The following SSBP3 variants were observed in gnomAD, a reference collection of about 807,000 sequenced individuals.
SSBP3 encodes the protein single stranded DNA binding protein 3.
SSBP3 carries 5 observed loss-of-function variants against 69.6 expected under a neutral mutation model. The observed-to-expected ratio is 0.07, with a 90% CI of 0.04 to 0.15. The LOEUF is 0.15. Among genes scored for constraint, SSBP3 ranks in the 10% least tolerant of loss-of-function variants. SSBP3 has a pLI of 1.00. For synonymous variants in SSBP3, 196 were observed against 193.4 expected (o/e 1.01, Z -0.11); for missense variants, 312 against 534.0 (o/e 0.58, Z 4.10).
intron 14 of SSBP3, chr1:54,238,695 C>T (rs1347390175): frequency 9.7e-6 from 3 of 309,488 alleles, no homozygotes; most frequent in Non-Finnish European, 2.0e-5. Flanking sequence ...CACAGGCAGG[C>T]GGGTCCCCCA....
intron 5 of SSBP3, among the ~76,000 whole-genome samples, chr1:54,272,878 G>A (rs1011554249): frequency 7.2e-5 from 11 of 152,264 alleles, no homozygotes; most frequent in Admixed American, 2.0e-4. Flanking sequence ...ACAGAAGCCA[G>A]AGATTCGGGA....
At chr1:54,342,895 G>C (rs1191783363) in intron 4 of SSBP3, among the ~76,000 whole-genome samples, 1 of 152,122 alleles carries the variant, frequency 6.6e-6, no homozygotes, top group Non-Finnish European at 1.5e-5. Flanking sequence ...GAGCTGACAC[G>C]CTTTGAGCTT....
At chr1:54,292,836 A>C (rs1433168069) in intron 4 of SSBP3, among the ~76,000 whole-genome samples, 1 of 152,072 alleles carries the variant, frequency 6.6e-6, no homozygotes, top group Non-Finnish European at 1.5e-5. Context: ...CTAGGAACCA[A>C]AAACAGCCAT....
At chr1:54,328,664 A>C (rs1181501680) in intron 4 of SSBP3, among the ~76,000 whole-genome samples, 1 of 152,204 alleles carries the variant, frequency 6.6e-6, no homozygotes, top group African/African-American at 2.4e-5. Flanking sequence ...TCCTTCTGGG[A>C]GAAGCAGCTA....
At chr1:54,253,127 C>T (rs1644859186) in intron 7 of SSBP3, among the ~76,000 whole-genome samples, 1 of 149,134 alleles carries the variant, frequency 6.7e-6, no homozygotes, top group Non-Finnish European at 1.5e-5. Flanking sequence ...TGTGTGAGGG[C>T]ATAGGGAGTA....
chr1:54,383,177 C>T (rs971910234), intron 4 of SSBP3, among the ~76,000 whole-genome samples: 9 of 151,546 alleles, frequency 5.9e-5, no homozygotes, highest in Admixed American at 1.3e-4. Flanking sequence ...AGTTTGAGAC[C>T]GGCCTGGGCA....
chr1:54,392,492 T>C (rs1010587715), intron 4 of SSBP3, among the ~76,000 whole-genome samples: 1 of 152,246 alleles, frequency 6.6e-6, no homozygotes, highest in Non-Finnish European at 1.5e-5. Context: ...AAACAATATT[T>C]GTGTTTACTC....
In SSBP3 at chr1:54,313,435, CTTTTTTTTTTT is replaced by C. The variant is rs752753963; in HGVS notation, c.277-31919_277-31909del. Among the ~76,000 whole-genome samples the C allele has an allele frequency of 3.2e-3, 279 of 86,432 alleles. 3 individuals are homozygous for C. The South Asian group carries it at 0.045, about 14-fold the overall frequency. 56.7% of individuals were successfully genotyped at this position (86,432 alleles called of 152,430 possible). A position where few individuals can be genotyped will look rare whatever the true frequency, so the allele number is the denominator to read the frequency against. The stretch of plus-strand genomic sequence containing the variant: ...CTCACACCGAAGCTGTGTGCCTGTG[CTTTTTTTTTTT>C]TTTTTTTTTTTTTTTCTTTTTAAAG... On this transcript the variant is annotated intron_variant, in intron 4 of 17. Transcript: ENST00000610401.
chr1:54,241,672 C>T (rs1438695063), intron 11 of SSBP3, among the ~76,000 whole-genome samples, 163 bp from the exon 12 acceptor site: 2 of 152,214 alleles, frequency 1.3e-5, no homozygotes, highest in Admixed American at 1.3e-4. Context: ...TGGCTGAAGC[C>T]CAGTTCTCTC....
chr1:54,299,949 G>A (rs1277622362), intron 4 of SSBP3, among the ~76,000 whole-genome samples: 1 of 152,028 alleles, frequency 6.6e-6, no homozygotes, highest in Non-Finnish European at 1.5e-5. Flanking sequence ...AACACTGCAT[G>A]TCTTTTTAAG....
At chr1:54,374,165 T>C (rs551065464) in intron 4 of SSBP3, among the ~76,000 whole-genome samples, 101 of 152,322 alleles carry the variant, frequency 6.6e-4, no homozygotes, top group African/African-American at 2.4e-3. Context: ...GGGCTTACAC[T>C]GAGCCTTGGA....
chr1:54,301,583 G>T (rs1386168842), intron 4 of SSBP3, among the ~76,000 whole-genome samples: 1 of 152,204 alleles, frequency 6.6e-6, no homozygotes, highest in African/African-American at 2.4e-5. Flanking sequence ...GACCCTCGCG[G>T]CTCCTAAGGC....
At chr1:54,375,897 G>A (rs1265388248) in intron 4 of SSBP3, among the ~76,000 whole-genome samples, 2 of 152,212 alleles carry the variant, frequency 1.3e-5, no homozygotes, top group Non-Finnish European at 2.9e-5. Context: ...CTGCCCAGGG[G>A]GGCCACAAGG....
chr1:54,319,023 T>TA (rs1275894912), intron 4 of SSBP3, among the ~76,000 whole-genome samples: 1 of 152,122 alleles, frequency 6.6e-6, no homozygotes, highest in Non-Finnish European at 1.5e-5. Context: ...GCCGAATCCT[T>TA]AGTGTTCTAG....
chr1:54,308,687 G>C (rs1178970582), intron 4 of SSBP3, among the ~76,000 whole-genome samples: 1 of 151,420 alleles, frequency 6.6e-6, no homozygotes. Context: ...AGAATCACTC[G>C]AACCCAGAAG....
upstream of SSBP3, among the ~76,000 whole-genome samples, chr1:54,410,283 G>A (rs1199877208): frequency 1.3e-5 from 2 of 152,230 alleles, no homozygotes; most frequent in Non-Finnish European, 2.9e-5. Context: ...AACTGGGGCA[G>A]CAGGAATCCT....
intron 4 of SSBP3, among the ~76,000 whole-genome samples, chr1:54,370,095 C>T (rs1647103234): frequency 6.6e-6 from 1 of 152,192 alleles, no homozygotes. Context: ...TCTTCAGGGT[C>T]ACCACCTGGC....
intron 4 of SSBP3, among the ~76,000 whole-genome samples, chr1:54,318,724 T>A (rs540688325): frequency 2.6e-5 from 4 of 152,174 alleles, no homozygotes; most frequent in African/African-American, 4.8e-5. Flanking sequence ...TGGCATCACC[T>A]CTCAGGAGCC....
At chr1:54,404,077 C>T (rs1649506701) in intron 3 of SSBP3, among the ~76,000 whole-genome samples, 1 of 152,148 alleles carries the variant, frequency 6.6e-6, no homozygotes, top group Non-Finnish European at 1.5e-5. Flanking sequence ...GAATCAGTAT[C>T]TTTAAAGGAA....
Sources: gnomAD v4.1 joint callset for allele counts (sites outside exome capture counted in the v4.1 genomes callset) on GRCh38, gnomAD v4.1.1 for gene constraint, MANE v1.5 for transcripts, NCBI Gene and HGNC (gene_info 2026-07-23, HGNC 2026-07-21) for gene names.